PYGM: variants seen among roughly 807,000 people sequenced by gnomAD.
PYGM encodes glycogen phosphorylase, muscle associated, also known as glycogen phosphorylase, muscle form.
Under a neutral mutation model 99.3 loss-of-function variants are expected in PYGM, and 81 were observed. That is an observed-to-expected ratio of 0.82 (90% CI 0.68 to 0.98). The LOEUF (loss-of-function observed/expected upper bound fraction) is 0.98. Among genes scored for constraint, PYGM ranks in the 50% least tolerant of loss-of-function variants. PYGM has a pLI of 0.00. For missense variants in PYGM, 1,030 were observed against 1,158.1 expected (o/e 0.89, Z 1.61); for synonymous variants, 436 against 451.5 (o/e 0.97, Z 0.44).
rs373533637 is a variant in PYGM at position 64,755,516 on chromosome 11, G to C, written c.703C>G (p.Arg235Gly). 9.3e-6 allele frequency: 15 copies of C among 1,614,128 alleles called. No homozygotes were observed. Among genetic ancestry groups the C allele is most frequent in the Admixed American group, 1.7e-5 (1 of 60,028 alleles). The change falls in exon 6 of 20, where the codon CGC becomes GGC. Residue 235 changes from arginine to glycine, a missense_variant. Physicochemically the swap from Arg to Gly is moderately radical, Grantham distance 125. Transcript: ENST00000164139. The surrounding 1 kb of genome is among the most constrained non-coding windows in gnomAD (Gnocchi z 4.1). ...CGCATGGTGTTGACAACATTGTTGC[G>C]ATAGCCAGGCACGGGCGTATCGTAG... ...MPYDTPVPGY[R>G]NNVVNTMRLW...
At chr11:64,750,660 G>A in intron 16 of PYGM, 77 bp from the exon 17 acceptor site, 1 of 1,422,858 alleles carries the variant, frequency 7.0e-7, no homozygotes. Context: ...GATTAGGCTG[G>A]CCCCAGGCAT....
At chr11:64,753,437 G>T in intron 11 of PYGM, 82 bp downstream of exon 11, 1 of 1,492,374 alleles carries the variant, frequency 6.7e-7, no homozygotes, top group South Asian at 1.3e-5. Context: ...AGAGTGGTCG[G>T]TGAAGGGCGG....
chr11:64,758,131 A>T (rs1197214061), intron 4 of PYGM, 115 bp downstream of exon 4: 9 of 1,400,688 alleles, frequency 6.4e-6, no homozygotes, highest in African/African-American at 1.4e-5. Flanking sequence ...GGGAGCAGCA[A>T]GGATGCTTTC....
In PYGM at chr11:64,758,307, T is replaced by C. The variant is rs933845688; in HGVS notation, c.467A>G (p.Tyr156Cys). 17 of 1,613,982 alleles carry C rather than the reference T, an allele frequency of 1.1e-5. No homozygotes were observed. The highest frequency in any genetic ancestry group is 2.2e-5 in the East Asian group (1 of 44,886). ...AAACTCATAGCGAATCCCGTAGCCA[T>C]AGGCGGCCAGGCCCAGTGTTGCCAT... ...DSMATLGLAA[Y>C]GYGIRYEFGI... Residue 156 changes from tyrosine to cysteine, a missense_variant, in exon 4 of 20, where the codon TAT becomes TGT. By Grantham distance (194) the Tyr-to-Cys change is radical. Coordinates refer to ENST00000164139, the MANE Select transcript of PYGM (RefSeq NM_005609.4).
In PYGM at chr11:64,755,806, G is replaced by A. The variant is rs928675899; in HGVS notation, c.661-248C>T. ...TGGGCAGACGGTGGTGAGGAAAATG[G>A]AAGGAGGCAGGTGATAAGCCCGGAA... is the stretch of plus-strand genomic sequence containing the variant. On this transcript the variant is annotated intron_variant, in intron 5 of 19. Coordinates refer to ENST00000164139, the MANE Select transcript of PYGM (RefSeq NM_005609.4). This position sits in a 1 kb window ranked among gnomAD's most constrained non-coding sequence, Gnocchi z 4.1. 6.6e-6 allele frequency among the ~76,000 whole-genome samples: 1 copy of A among 152,216 alleles called. No homozygotes were observed. Among genetic ancestry groups the A allele is most frequent in the African/African-American group, 2.4e-5 (1 of 41,450 alleles).
At position 64,747,280 on chromosome 11, in the gene PYGM, G is replaced by A. The variant is rs2135824119; in HGVS notation, c.2256C>T (p.Ser752=). Residue 752 remains serine (S), a synonymous_variant, in exon 18 of 20, where the codon TCC becomes TCT. Coordinates refer to ENST00000164139, the MANE Select transcript of PYGM (RefSeq NM_005609.4). The part of the protein sequence containing the change: ...VIEQLSSGFF[S]PKQPDLFKDI... ...CCTTGAACAGGTCGGGCTGTTTGGG[G>A]GAGAAGAAGCCACTGCTCAGCTGCT... 1 of 1,614,202 alleles carries A rather than the reference G, an allele frequency of 6.2e-7. No homozygotes were observed. Among genetic ancestry groups the A allele is most frequent in the African/African-American group, 1.3e-5 (1 of 75,054 alleles).
Position 64,757,923 on chromosome 11 carries a change from C to T in PYGM, c.529-13G>A. ...CGGCCTCCTCCATCTGCACCCAAGG[C>T]AGGTCAGGGAGAAAGGCCAGCAGTA... is the stretch of plus-strand genomic sequence containing the variant. On this transcript the variant is annotated splice_polypyrimidine_tract_variant and intron_variant, in intron 4 of 19. Coordinates refer to ENST00000164139, the MANE Select transcript of PYGM (RefSeq NM_005609.4). 6.2e-7 allele frequency: 1 copy of T among 1,613,818 alleles called. No homozygotes were observed. The highest frequency in any genetic ancestry group is 8.5e-7 in the Non-Finnish European group (1 of 1,180,022).
At chr11:64,749,881 C>A (rs1157045259) in intron 17 of PYGM, among the ~76,000 whole-genome samples, 1 of 151,176 alleles carries the variant, frequency 6.6e-6, no homozygotes, top group Non-Finnish European at 1.5e-5. Context: ...CAAGCTCCGC[C>A]TCCTGGATTC....
At chr11:64,752,098 A>G (rs2058360924) in intron 13 of PYGM, 27 bp from the exon 14 acceptor site, 1 of 1,613,938 alleles carries the variant, frequency 6.2e-7, no homozygotes, top group Non-Finnish European at 8.5e-7. Context: ...GGAAGGGCTC[A>G]CCAACAGGCC....
chr11:64,750,854 C>G (rs2058350874), intron 16 of PYGM, among the ~76,000 whole-genome samples: 1 of 152,192 alleles, frequency 6.6e-6, no homozygotes, highest in African/African-American at 2.4e-5. Context: ...GAAATTCCAC[C>G]ATTAGAGGGC....
chr11:64,747,624 C>T, intron 17 of PYGM: 1 of 498,240 alleles, frequency 2.0e-6, no homozygotes, highest in Non-Finnish European at 3.7e-6. Flanking sequence ...AAGCTCTTTT[C>T]TCCCACACGC....
chr11:64,747,832 A>G, intron 17 of PYGM: 1 of 238,002 alleles, frequency 4.2e-6, no homozygotes, highest in South Asian at 5.6e-5. Context: ...TGAGGAGGTC[A>G]GGAGTTCAAG....
intron 2 of PYGM, 42 bp from the exon 3 acceptor site, chr11:64,758,557 C>T: frequency 6.2e-7 from 1 of 1,613,812 alleles, no homozygotes; most frequent in Non-Finnish European, 8.5e-7. Flanking sequence ...CAAGTGTCAG[C>T]AGTGGAATCC....
In PYGM at chr11:64,747,577, T is replaced by C. The variant is rs2058323941; in HGVS notation, c.2178-219A>G. ...AATGAAGAAACTGAGGCCCGGAGGA[T>C]ACAGAAAGCTAAGTGTTAGAGCCAA... On this transcript the variant is annotated intron_variant, in intron 17 of 19. Coordinates refer to ENST00000164139, the MANE Select transcript of PYGM (RefSeq NM_005609.4). The C allele has an allele frequency of 1.5e-5, 9 of 590,536 alleles. No individual in the cohort carries two copies. In the East Asian group the frequency reaches 2.7e-4, roughly 18 times the overall value. The allele number at this position is 590,536 out of a possible 1,614,324, so 36.6% of individuals were successfully genotyped here.
At position 64,753,907 on chromosome 11, in the gene PYGM, A is replaced by G; in HGVS notation, c.1211T>C (p.Ile404Thr). The change falls in exon 10 of 20, where the codon ATC becomes ACC. Residue 404 changes from isoleucine (I) to threonine (T), a missense_variant. By Grantham distance (89) the Ile-to-Thr change is moderately conservative. Transcript: ENST00000164139. The part of the protein sequence containing the change: ...ETLLPRHLQI[I>T]YEINQRFLNR... The stretch of plus-strand genomic sequence containing the variant: ...GAGGAAGCGCTGGTTGATCTCGTAG[A>G]TGATCTGGAGGTGCCGCGGCAGCAG... 6.3e-7 allele frequency: 1 copy of G among 1,588,050 alleles called. No homozygotes were observed. The highest frequency in any genetic ancestry group is 8.6e-7 in the Non-Finnish European group (1 of 1,166,812).
intron 17 of PYGM, chr11:64,748,663 A>C (rs1004947656): frequency 2.0e-5 from 3 of 152,234 alleles, no homozygotes; most frequent in African/African-American, 7.2e-5. Context: ...TGATTAAATA[A>C]GTTGTGACAT....
intron 12 of PYGM, among the ~76,000 whole-genome samples, chr11:64,752,798 C>T (rs1379143566): frequency 1.3e-5 from 2 of 152,236 alleles, no homozygotes; most frequent in Non-Finnish European, 2.9e-5. Flanking sequence ...CAGATATCTG[C>T]CCCCTTCCAG....
intron 5 of PYGM, 77 bp downstream of exon 5, chr11:64,757,702 G>A: frequency 1.9e-6 from 3 of 1,594,152 alleles, no homozygotes; most frequent in Non-Finnish European, 2.6e-6. Context: ...AAATACACTG[G>A]GTCCTGCTTC....
At chr11:64,759,589 G>A in intron 1 of PYGM, 67 bp downstream of exon 1, 2 of 1,601,382 alleles carry the variant, frequency 1.2e-6, no homozygotes, top group Non-Finnish European at 8.5e-7. Flanking sequence ...AGCCACTTAA[G>A]TCAAGATCGC....
Sources: gnomAD v4.1 joint callset for allele counts (sites outside exome capture counted in the v4.1 genomes callset) on GRCh38, gnomAD v4.1.1 for gene constraint, Gnocchi (gnomAD v3.1) non-coding constraint, MANE v1.5 for transcripts, NCBI Gene and HGNC (gene_info 2026-07-23, HGNC 2026-07-21) for gene names.